Variants in CUX1 observed in about 807,000 individuals in gnomAD.
CUX1 encodes the protein cut like homeobox 1.
In CUX1, 31 loss-of-function variants were observed where a neutral mutation model predicts 158.8. The observed-to-expected ratio is 0.20, with a 90% CI of 0.15 to 0.26. CUX1 has a LOEUF of 0.26. Among genes scored for constraint, CUX1 ranks in the 10% least tolerant of loss-of-function variants. The probability of loss-of-function intolerance (pLI) is 1.00; values close to 1 mark genes in which losing one functional copy is unlikely to be tolerated. For synonymous variants in CUX1, 879 were observed against 862.1 expected, an observed-to-expected ratio of 1.02 and a Z score of -0.34; for missense variants, 1,589 against 2,014.6, an observed-to-expected ratio of 0.79 and a Z score of 4.04.
chr7:102,197,575 A>G lies in CUX1; in HGVS notation c.1894+270A>G, dbSNP rs556175641. ...ATTTCAATACTAGAGATCGTATCAG[A>G]GGGAATTGCATTACATGATGTATAG... On this transcript the variant is annotated intron_variant, in intron 15 of 23. Transcript: ENST00000292535. 2.0e-5 allele frequency among the ~76,000 whole-genome samples: 3 copies of G among 152,326 alleles called. No individual in the cohort carries two copies. The East Asian group carries it at 5.8e-4, about 29-fold the overall frequency.
At position 102,278,500 on chromosome 7, in the gene CUX1, G is replaced by C. The variant is rs1370109735; in HGVS notation, c.1680+435G>C. On this transcript the variant is annotated intron_variant, in intron 18 of 22. Transcript: ENST00000292538. ...CCAGCTACTCAGGAGGCTGAGGCAG[G>C]AGAATCGCTGGAACCCAGGAGGCGG... 4.6e-5 allele frequency among the ~76,000 whole-genome samples: 7 copies of C among 152,004 alleles called. No homozygotes were observed. In the East Asian group the frequency reaches 1.3e-3, roughly 29 times the overall value.
chr7:102,132,131 GAGATGGATGGGCGGGTGGAT>G (rs782359620), intron 8 of CUX1, among the ~76,000 whole-genome samples: 2,682 of 147,728 alleles, frequency 0.018, 127 homozygotes, highest in African/African-American at 0.06. Context: ...GAGCTTTGTG[GAGATGGATGGGCGGGTGGAT>G]AGATGGATGG....
At chr7:102,051,943 G>A (rs1189722074) in intron 3 of CUX1, among the ~76,000 whole-genome samples, 3 of 152,116 alleles carry the variant, frequency 2.0e-5, no homozygotes. Flanking sequence ...CGGGCGCGGT[G>A]GCTCACATCT....
chr7:101,896,207 A>C (rs1036578580), intron 1 of CUX1, among the ~76,000 whole-genome samples: 1 of 152,084 alleles, frequency 6.6e-6, no homozygotes, highest in African/African-American at 2.4e-5. Flanking sequence ...CCATAAAATT[A>C]AAATGAAAAG....
At chr7:102,106,095 T>TC (rs1193317193) in intron 6 of CUX1, among the ~76,000 whole-genome samples, 1 of 132,808 alleles carries the variant, frequency 7.5e-6, no homozygotes, top group East Asian at 2.1e-4. Context: ...TTTTTTTTTT[T>TC]TTTTTTTTTT....
intron 1 of CUX1, among the ~76,000 whole-genome samples, chr7:101,871,413 G>C (rs964397820): frequency 1.3e-5 from 2 of 151,896 alleles, no homozygotes; most frequent in Non-Finnish European, 2.9e-5. Context: ...AGGGGGCCCT[G>C]TGTCCTGTTG....
chr7:102,161,562 T>C (rs1338677669), intron 9 of CUX1, among the ~76,000 whole-genome samples: 1 of 152,194 alleles, frequency 6.6e-6, no homozygotes, highest in Non-Finnish European at 1.5e-5. Context: ...GTGATTCTGC[T>C]CATTGGCAGC....
In CUX1 at chr7:101,825,051, A is replaced by G. The variant is rs181969487; in HGVS notation, c.30+7382A>G. The stretch of plus-strand genomic sequence containing the variant: ...GTCCAGTGAATTATTTCTGCTGCAT[A>G]CAGTTCTGCTGTGTCCTCGCCGAGA... On this transcript the variant is annotated intron_variant, in intron 1 of 23. Coordinates refer to ENST00000292535, the MANE Select transcript of CUX1 (RefSeq NM_181552.4). Among the ~76,000 whole-genome samples the G allele has an allele frequency of 1.6e-3, 242 of 152,316 alleles. 1 individual carries two copies. Among genetic ancestry groups the G allele is most frequent in the Middle Eastern group, 3.4e-3 (1 of 294 alleles).
At chr7:102,012,293 T>G (rs1200000212) in intron 2 of CUX1, among the ~76,000 whole-genome samples, 1 of 152,062 alleles carries the variant, frequency 6.6e-6, no homozygotes, top group East Asian at 1.9e-4. Context: ...GTTGAAGCAA[T>G]TCTCATGTCT....
chr7:102,238,125 C>T (rs574240177), intron 22 of CUX1, among the ~76,000 whole-genome samples: 158 of 152,264 alleles, frequency 1.0e-3, no homozygotes, highest in African/African-American at 3.7e-3. Flanking sequence ...CAGATAACTG[C>T]GGGCAAGCCT....
At chr7:101,892,501 A>C (rs1353071397) in intron 1 of CUX1, among the ~76,000 whole-genome samples, 1 of 152,154 alleles carries the variant, frequency 6.6e-6, no homozygotes, top group African/African-American at 2.4e-5. Context: ...AAAATTTTGT[A>C]ATGAGCCGGA....
intron 2 of CUX1, among the ~76,000 whole-genome samples, chr7:101,931,262 A>G (rs748146926): frequency 6.6e-6 from 1 of 152,086 alleles, no homozygotes; most frequent in African/African-American, 2.4e-5. Context: ...CCCAGAATTC[A>G]TTCATGTGTG....
At chr7:102,023,496 GTCTC>G (rs1488312535) in intron 2 of CUX1, among the ~76,000 whole-genome samples, 1 of 152,124 alleles carries the variant, frequency 6.6e-6, no homozygotes, top group Non-Finnish European at 1.5e-5. Context: ...TTGAGACAGA[GTCTC>G]TCTCTGTTAC....
chr7:101,970,126 G>A (rs1384641417), intron 2 of CUX1, among the ~76,000 whole-genome samples: 1 of 152,106 alleles, frequency 6.6e-6, no homozygotes, highest in Non-Finnish European at 1.5e-5. Context: ...TGGCAGATCG[G>A]CCTTTCTAAT....
intron 1 of CUX1, among the ~76,000 whole-genome samples, chr7:101,871,154 C>G (rs903332705): frequency 6.6e-6 from 1 of 152,106 alleles, no homozygotes; most frequent in African/African-American, 2.4e-5. Flanking sequence ...TCCTAGCATC[C>G]GTGGTTCAGG....
intron 3 of CUX1, among the ~76,000 whole-genome samples, chr7:102,042,314 CTG>C (rs2129775415): frequency 6.6e-6 from 1 of 152,214 alleles, no homozygotes; most frequent in Non-Finnish European, 1.5e-5. Context: ...ACCTTAGAAT[CTG>C]TCATTTTTCA....
intron 2 of CUX1, among the ~76,000 whole-genome samples, chr7:101,941,068 C>T (rs112361485): frequency 3.9e-5 from 6 of 152,310 alleles, no homozygotes; most frequent in African/African-American, 1.4e-4. Context: ...TTCCTTGAGG[C>T]AGGTGGCTCT....
At chr7:102,061,599 G>A (rs1292758572) in intron 3 of CUX1, among the ~76,000 whole-genome samples, 2 of 152,234 alleles carry the variant, frequency 1.3e-5, no homozygotes, top group African/African-American at 4.8e-5. Context: ...CCTGTTTTAT[G>A]TTGGAGCTGG....
At chr7:102,165,328 G>A (rs1364083416) in intron 9 of CUX1, among the ~76,000 whole-genome samples, 1 of 151,168 alleles carries the variant, frequency 6.6e-6, no homozygotes, top group Non-Finnish European at 1.5e-5. Context: ...CATCCCAATC[G>A]GGCACTGCGG....
Sources: allele counts gnomAD v4.1 joint callset (sites outside exome capture counted in the v4.1 genomes callset), GRCh38; gene constraint gnomAD v4.1.1; transcripts MANE v1.5; gene names NCBI Gene and HGNC (gene_info 2026-07-23, HGNC 2026-07-21).